Variants in BMPR1A observed in about 807,000 individuals in gnomAD.
BMPR1A encodes bone morphogenetic protein receptor type 1A.
Under a neutral mutation model 66.0 loss-of-function variants are expected in BMPR1A, and 7 were observed. That is an observed-to-expected ratio of 0.11 (90% CI 0.06 to 0.20). The LOEUF (loss-of-function observed/expected upper bound fraction) is 0.20. Among genes scored for constraint, BMPR1A ranks in the 10% least tolerant of loss-of-function variants. The probability of loss-of-function intolerance (pLI) is 1.00; values close to 1 mark genes in which losing one functional copy is unlikely to be tolerated. For missense variants in BMPR1A, 408 were observed against 669.1 expected, an observed-to-expected ratio of 0.61 and a Z score of 4.31; for synonymous variants, 200 against 229.7, an observed-to-expected ratio of 0.87 and a Z score of 1.17.
intron 2 of BMPR1A, among the ~76,000 whole-genome samples, chr10:86,848,025 G>C (rs138401951): frequency 6.6e-6 from 1 of 151,506 alleles, no homozygotes; most frequent in Non-Finnish European, 1.5e-5. Flanking sequence ...TTCGCCCCCC[G>C]GGTTCAAGCA....
intron 1 of BMPR1A, among the ~76,000 whole-genome samples, chr10:86,795,101 T>G (rs10159699): frequency 6.6e-6 from 1 of 152,078 alleles, no homozygotes; most frequent in Non-Finnish European, 1.5e-5. Context: ...TCTGCCTGCT[T>G]CTGCCTCCCA....
chr10:86,905,895 G>A (rs886430111), intron 7 of BMPR1A, among the ~76,000 whole-genome samples: 1 of 151,486 alleles, frequency 6.6e-6, no homozygotes, highest in African/African-American at 2.4e-5. Context: ...CTGCCAATCA[G>A]CTTTTAAAGT....
chr10:86,907,747 G>A lies in BMPR1A; in HGVS notation c.531-4493G>A, dbSNP rs143842194. On this transcript the variant is annotated intron_variant, in intron 7 of 12. Coordinates refer to ENST00000372037, the MANE Select transcript of BMPR1A (RefSeq NM_004329.3). ...AAATATTACATGTTCTCAATCATACGTGGGAGCTAAAAAGGTTGATTTCAT... is the reference window on the plus strand; with the variant it reads ...AAATATTACATGTTCTCAATCATACATGGGAGCTAAAAAGGTTGATTTCAT... Among the ~76,000 whole-genome samples, 863 of 152,270 alleles carry A rather than the reference G, an allele frequency of 5.7e-3. 2 individuals are homozygous for A. The highest frequency in any genetic ancestry group is 8.1e-3 in the African/African-American group (337 of 41,538).
At chr10:86,915,037 A>C in intron 8 of BMPR1A, among the ~76,000 whole-genome samples, 1 of 152,216 alleles carries the variant, frequency 6.6e-6, no homozygotes, top group East Asian at 1.9e-4. Context: ...AAAAAGGAAC[A>C]ACTTCTAACA....
chr10:86,844,226 G>A (rs761637762), intron 2 of BMPR1A, among the ~76,000 whole-genome samples: 9 of 152,108 alleles, frequency 5.9e-5, no homozygotes, highest in Non-Finnish European at 1.2e-4. Context: ...AAAAAGCAAA[G>A]TATGACCTCT....
At chr10:86,874,944 T>C (rs1192272546) in intron 2 of BMPR1A, among the ~76,000 whole-genome samples, 1 of 149,888 alleles carries the variant, frequency 6.7e-6, no homozygotes, top group Non-Finnish European at 1.5e-5. Context: ...AGGCTGGTCT[T>C]GAACTCCTGA....
intron 1 of BMPR1A, among the ~76,000 whole-genome samples, chr10:86,777,584 GAAA>G (rs556460653): frequency 7.0e-6 from 1 of 142,554 alleles, no homozygotes; most frequent in Non-Finnish European, 1.5e-5. Context: ...TGTCTCAAAA[GAAA>G]AAAAAAAGAA....
intron 1 of BMPR1A, among the ~76,000 whole-genome samples, chr10:86,766,524 G>A (rs547961219): frequency 6.6e-6 from 1 of 151,930 alleles, no homozygotes; most frequent in Non-Finnish European, 1.5e-5. Flanking sequence ...TGGATGGAAA[G>A]TGCCAAGCCA....
intron 2 of BMPR1A, among the ~76,000 whole-genome samples, chr10:86,864,038 A>G (rs1372923148): frequency 6.6e-6 from 1 of 152,202 alleles, no homozygotes; most frequent in Non-Finnish European, 1.5e-5. Context: ...TAGTGTTGCC[A>G]CTTGACCAGC....
At chr10:86,803,743 C>A (rs1841845352) in intron 1 of BMPR1A, among the ~76,000 whole-genome samples, 2 of 152,056 alleles carry the variant, frequency 1.3e-5, no homozygotes, top group African/African-American at 4.8e-5. Flanking sequence ...CTTGGTAAAG[C>A]AAATTTTTCT....
chr10:86,816,465 A>G (rs1025815826), intron 1 of BMPR1A, among the ~76,000 whole-genome samples: 3 of 152,228 alleles, frequency 2.0e-5, no homozygotes, highest in Admixed American at 6.5e-5. Context: ...AAAGCTGGTC[A>G]GTTGATTGTC....
In BMPR1A at chr10:86,917,146, A is replaced by G. The variant is rs730881433; in HGVS notation, c.688A>G (p.Ile230Val). Reference protein sequence around the residue: ...SGLPLLVQRTIAKQIQMVRQV... With the variant: ...SGLPLLVQRTVAKQIQMVRQV... ...TTTTTCTATAAAGGTTCAGCGAACT[A>G]TTGCCAAACAGATTCAGATGGTCCG... The change falls in exon 9 of 13, where the codon ATT (isoleucine) becomes GTT (valine). Residue 230 changes from isoleucine to valine, a missense_variant. Ile to Val is a conservative substitution (Grantham distance 29). Transcript: ENST00000372037. The G allele has an allele frequency of 2.5e-6, 4 of 1,613,928 alleles. No individual in the cohort carries two copies. Among genetic ancestry groups the G allele is most frequent in the African/African-American group, 2.7e-5 (2 of 74,896 alleles).
In BMPR1A at chr10:86,767,522, T is replaced by G. The variant is rs188672994; in HGVS notation, c.-268+10603T>G. On this transcript the variant is annotated intron_variant, in intron 1 of 12. Coordinates refer to ENST00000372037, the MANE Select transcript of BMPR1A (RefSeq NM_004329.3). ...GTTGAGACTCTGTCTCTACAAAAAT[T>G]TAAAAATCAATGAGATGTGGTGGTA... Among the ~76,000 whole-genome samples the G allele has an allele frequency of 6.6e-5, 10 of 152,026 alleles. No individual in the cohort carries two copies. In the East Asian group the frequency reaches 1.9e-3, roughly 29 times the overall value.
chr10:86,777,098 C>G (rs539019598), intron 1 of BMPR1A, among the ~76,000 whole-genome samples: 1 of 152,162 alleles, frequency 6.6e-6, no homozygotes, highest in South Asian at 2.1e-4. Flanking sequence ...TGTCCTTACC[C>G]TTCTCTTTAT....
intron 7 of BMPR1A, among the ~76,000 whole-genome samples, chr10:86,911,138 G>C (rs1843475675): frequency 7.7e-6 from 1 of 130,466 alleles, no homozygotes; most frequent in Non-Finnish European, 1.5e-5. Context: ...CTGGGTGACA[G>C]AGTGAGACCC....
At chr10:86,820,190 A>T (rs1364792178) in intron 1 of BMPR1A, among the ~76,000 whole-genome samples, 1 of 152,054 alleles carries the variant, frequency 6.6e-6, no homozygotes, top group Non-Finnish European at 1.5e-5. Context: ...CTACAGGATT[A>T]TGCCCCCATG....
At chr10:86,825,767 G>A (rs1022233599) in intron 1 of BMPR1A, among the ~76,000 whole-genome samples, 30 of 152,140 alleles carry the variant, frequency 2.0e-4, no homozygotes, top group African/African-American at 7.2e-4. Context: ...GTGAGCCATC[G>A]TGCCTGGCCT....
At chr10:86,932,365 T>C (rs1843820038), downstream of BMPR1A, 1 of 152,156 alleles carries the variant, frequency 6.6e-6, no homozygotes, top group African/African-American at 2.4e-5. Flanking sequence ...TTTTGCTAAT[T>C]GTTATTTTGG....
intron 1 of BMPR1A, among the ~76,000 whole-genome samples, chr10:86,826,443 C>T (rs1842197417): frequency 6.6e-6 from 1 of 151,900 alleles, no homozygotes; most frequent in Admixed American, 6.6e-5. Flanking sequence ...CACACACACC[C>T]GCTTTTGGCT....
Sources: allele counts gnomAD v4.1 joint callset (sites outside exome capture counted in the v4.1 genomes callset), GRCh38; gene constraint gnomAD v4.1.1; transcripts MANE v1.5; gene names NCBI Gene and HGNC (gene_info 2026-07-23, HGNC 2026-07-21).